CHN1: variants seen among roughly 807,000 people sequenced by gnomAD.
The protein encoded by CHN1 is N-chimaerin.
A neutral mutation model predicts 59.5 loss-of-function variants in CHN1; 37 were observed. The observed-to-expected ratio is 0.62, with a 90% CI of 0.48 to 0.82. The LOEUF is 0.82. CHN1 is among the 40% of genes least tolerant of loss of function. The pLI, the probability that CHN1 is intolerant of heterozygous loss-of-function variation, is 0.00. For synonymous variants in CHN1, 206 were observed against 200.4 expected (o/e 1.03, Z -0.24); for missense variants, 469 against 571.0 (o/e 0.82, Z 1.82).
intron 1 of CHN1, among the ~76,000 whole-genome samples, chr2:174,952,444 A>T (rs1267334189): frequency 6.6e-6 from 1 of 152,188 alleles, no homozygotes; most frequent in Non-Finnish European, 1.5e-5. Context: ...TAAAAACATC[A>T]AGGTTAACTT....
At chr2:174,951,660 A>C (rs1690028517) in intron 2 of CHN1, among the ~76,000 whole-genome samples, 1 of 152,238 alleles carries the variant, frequency 6.6e-6, no homozygotes, top group Admixed American at 6.5e-5. Context: ...AAAAAGAAAT[A>C]TCCTAACGCA....
chr2:174,998,302 CAAAAAAAAAA>C (rs34770658), intron 1 of CHN1, among the ~76,000 whole-genome samples: 2 of 48,804 alleles, frequency 4.1e-5, no homozygotes, highest in Non-Finnish European at 7.3e-5. Flanking sequence ...GACTCTGTCT[CAAAAAAAAAA>C]AAAAAAAAAA....
intron 5 of CHN1, among the ~76,000 whole-genome samples, chr2:174,879,602 AG>A (rs934094464): frequency 6.6e-6 from 1 of 152,236 alleles, no homozygotes; most frequent in African/African-American, 2.4e-5. Context: ...TAAATATAAA[AG>A]TTTTTCAGTT....
rs780649068 is a variant in CHN1 at position 174,885,295 on chromosome 2, T to A, written c.261-7167A>T. Among the ~76,000 whole-genome samples, 62 of 142,418 alleles carry A rather than the reference T, an allele frequency of 4.4e-4. 1 individual carries two copies. Among genetic ancestry groups the A allele is most frequent in the African/African-American group, 1.9e-3 (62 of 33,466 alleles). The allele number at this position is 142,418 out of a possible 152,430, so 93.4% of individuals were successfully genotyped here. ...GTCTCAAAAAAAAGAAAAAAAAATA[T>A]ATATATATAGAGAGAGAGAAATTAC... is the stretch of plus-strand genomic sequence containing the variant. On this transcript the variant is annotated intron_variant, in intron 5 of 12. Coordinates refer to ENST00000409900, the MANE Select transcript of CHN1 (RefSeq NM_001822.7).
At chr2:174,923,505 G>A (rs1689077444) in intron 3 of CHN1, among the ~76,000 whole-genome samples, 1 of 152,068 alleles carries the variant, frequency 6.6e-6, no homozygotes, top group Admixed American at 6.5e-5. Context: ...ATTAGAATGG[G>A]GTCCCCCAAC....
At chr2:174,816,206 G>A (rs1685252610) in intron 8 of CHN1, among the ~76,000 whole-genome samples, 1 of 152,206 alleles carries the variant, frequency 6.6e-6, no homozygotes, top group South Asian at 2.1e-4. Context: ...CTGAGAGGTT[G>A]CTGCTTCTAC....
intron 5 of CHN1, among the ~76,000 whole-genome samples, chr2:174,908,524 C>T (rs1204764810): frequency 5.9e-5 from 9 of 152,196 alleles, no homozygotes; most frequent in Non-Finnish European, 1.3e-4. Flanking sequence ...ATTTCCCATA[C>T]TCCCAGTCCC....
In CHN1 at chr2:174,799,552, C is replaced by T. The variant is rs144057045; in HGVS notation, c.*564G>A. ...TTTATTAAAGTAACAAATCTGAAAA[C>T]ACATTTTGCTTTTGCTGGAAAGAAA... is the stretch of plus-strand genomic sequence containing the variant. On this transcript the variant is annotated 3_prime_UTR_variant, in exon 13 of 13. Coordinates refer to ENST00000409900, the MANE Select transcript of CHN1 (RefSeq NM_001822.7). The T allele has an allele frequency of 1.5e-3, 784 of 523,058 alleles. No homozygotes were observed. The highest frequency in any genetic ancestry group is 2.5e-3 in the Non-Finnish European group (663 of 269,410). The allele number at this position is 523,058 out of a possible 1,614,324, so 32.4% of individuals were successfully genotyped here. A position where few individuals can be genotyped will look rare whatever the true frequency, so the allele number is the denominator to read the frequency against.
intron 7 of CHN1, among the ~76,000 whole-genome samples, chr2:174,842,549 AATT>A (rs150055473): frequency 0.012 from 1,824 of 152,306 alleles, 26 homozygotes; most frequent in African/African-American, 0.033. Context: ...TTTATATTAA[AATT>A]ATTATTTGTT....
chr2:174,959,020 A>G (rs1025272058), intron 1 of CHN1, among the ~76,000 whole-genome samples: 1 of 152,196 alleles, frequency 6.6e-6, no homozygotes, highest in Admixed American at 6.5e-5. Flanking sequence ...AATAAGAAAT[A>G]TTAGGGGAAA....
At chr2:174,986,095 A>G (rs1007952163) in intron 1 of CHN1, among the ~76,000 whole-genome samples, 3 of 152,190 alleles carry the variant, frequency 2.0e-5, no homozygotes, top group East Asian at 1.9e-4. Flanking sequence ...ATCATGTGAA[A>G]TATTTATAGC....
intron 1 of CHN1, among the ~76,000 whole-genome samples, chr2:174,970,949 A>G (rs761398452): frequency 2.6e-5 from 4 of 152,252 alleles, no homozygotes; most frequent in Non-Finnish European, 4.4e-5. Flanking sequence ...TAGAGAATCT[A>G]GCTCTCTCCT....
intron 2 of CHN1, among the ~76,000 whole-genome samples, chr2:174,951,125 A>AAATCTTTAGGAGGTAAAG (rs1690014451): frequency 6.6e-6 from 1 of 152,244 alleles, no homozygotes; most frequent in African/African-American, 2.4e-5. Flanking sequence ...TTATGAGACA[A>AAATCTTTAGGAGGTAAAG]AATCTTTAGG....
chr2:174,853,468 A>G (rs1558953308), intron 6 of CHN1, among the ~76,000 whole-genome samples: 1 of 152,214 alleles, frequency 6.6e-6, no homozygotes, highest in Non-Finnish European at 1.5e-5. Flanking sequence ...GAGGCTGTGG[A>G]GAAAAGAGAA....
chr2:174,930,380 T>C (rs1689303646), intron 3 of CHN1, among the ~76,000 whole-genome samples: 1 of 152,142 alleles, frequency 6.6e-6, no homozygotes, highest in Non-Finnish European at 1.5e-5. Flanking sequence ...AACCAGCAGG[T>C]GGGATCACAA....
chr2:174,818,964 T>C (rs1196914997), intron 8 of CHN1, among the ~76,000 whole-genome samples: 1 of 152,230 alleles, frequency 6.6e-6, no homozygotes, highest in Non-Finnish European at 1.5e-5. Flanking sequence ...TCTCTCTGAA[T>C]GTTCATATTT....
At chr2:174,893,947 C>T (rs1558970624) in intron 5 of CHN1, among the ~76,000 whole-genome samples, 1 of 152,226 alleles carries the variant, frequency 6.6e-6, no homozygotes, top group Middle Eastern at 3.4e-3. Context: ...TCTGTATACA[C>T]CATGTACAAA....
Position 174,873,333 on chromosome 2 carries a change from A to G in CHN1, c.549+4507T>C, listed in dbSNP as rs146958341. On this transcript the variant is annotated intron_variant, in intron 6 of 12. Coordinates refer to ENST00000409900, the MANE Select transcript of CHN1 (RefSeq NM_001822.7). Reference sequence around the variant, plus strand: ...AAACAGAAGCATAGCTTGAGCATGAACAAGGAATGACAAAAAAGGCCCAAA... The same window carrying G: ...AAACAGAAGCATAGCTTGAGCATGAGCAAGGAATGACAAAAAAGGCCCAAA... Among the ~76,000 whole-genome samples, 679 of 152,306 alleles carry G rather than the reference A, an allele frequency of 4.5e-3. 6 individuals are homozygous for G. The highest frequency in any genetic ancestry group is 0.015 in the African/African-American group (639 of 41,556).
chr2:174,966,723 T>C (rs1690604573), intron 1 of CHN1, among the ~76,000 whole-genome samples: 1 of 152,212 alleles, frequency 6.6e-6, no homozygotes, highest in South Asian at 2.1e-4. Context: ...CTAATTCTTC[T>C]AGACAAGTCA....
Sources: allele counts gnomAD v4.1 joint callset (sites outside exome capture counted in the v4.1 genomes callset), GRCh38; gene constraint gnomAD v4.1.1; transcripts MANE v1.5; gene names NCBI Gene and HGNC (gene_info 2026-07-23, HGNC 2026-07-21).